GABRB2: variants seen among roughly 807,000 people sequenced by gnomAD.
GABRB2 encodes gamma-aminobutyric acid receptor subunit beta-2.
In GABRB2, 16 loss-of-function variants were observed where a neutral mutation model predicts 54.7. That is an observed-to-expected ratio of 0.29 (90% CI 0.20 to 0.44). The LOEUF (loss-of-function observed/expected upper bound fraction) is 0.44. GABRB2 is among the 20% of genes least tolerant of loss of function. The pLI, the probability that GABRB2 is intolerant of heterozygous loss-of-function variation, is 1.00. For synonymous variants in GABRB2, 244 were observed against 233.8 expected (o/e 1.04, Z -0.40); for missense variants, 355 against 644.0 (o/e 0.55, Z 4.86).
intron 4 of GABRB2, among the ~76,000 whole-genome samples, chr5:161,442,332 T>G (rs996975686): frequency 6.6e-6 from 1 of 152,184 alleles, no homozygotes; most frequent in African/African-American, 2.4e-5. Flanking sequence ...TGTAAGTAAG[T>G]AAAGTATCAT....
intron 3 of GABRB2, among the ~76,000 whole-genome samples, chr5:161,515,871 A>G (rs966948328): frequency 6.6e-6 from 1 of 152,208 alleles, no homozygotes; most frequent in Non-Finnish European, 1.5e-5. Context: ...AGGTAGAACA[A>G]AAAAACAAGC....
chr5:161,333,551 T>G (rs1753913330), intron 7 of GABRB2, among the ~76,000 whole-genome samples: 1 of 152,212 alleles, frequency 6.6e-6, no homozygotes, highest in East Asian at 1.9e-4. Context: ...CATGCCACTT[T>G]TATGCTCAGT....
intron 3 of GABRB2, among the ~76,000 whole-genome samples, chr5:161,531,543 C>T (rs1760462645): frequency 6.6e-6 from 1 of 151,954 alleles, no homozygotes; most frequent in Non-Finnish European, 1.5e-5. Flanking sequence ...TTAGACTCTA[C>T]AGAGGTTTAG....
chr5:161,506,737 AAG>A (rs1282470449), intron 3 of GABRB2, among the ~76,000 whole-genome samples: 4 of 152,120 alleles, frequency 2.6e-5, no homozygotes, highest in Admixed American at 2.6e-4. Flanking sequence ...GTGCTGGAAA[AAG>A]AGACAAGTAG....
At chr5:161,452,869 G>A (rs1038871374) in intron 4 of GABRB2, among the ~76,000 whole-genome samples, 2 of 152,114 alleles carry the variant, frequency 1.3e-5, no homozygotes, top group Non-Finnish European at 2.9e-5. Context: ...GATGGCACAT[G>A]CCTGTAGGTC....
Position 161,546,621 on chromosome 5 carries a change from C to T in GABRB2, c.23G>A (p.Gly8Asp). Residue 8 changes from glycine (G) to aspartate (D), a missense_variant, in exon 1 of 10, where the codon GGC becomes GAC. Gly to Asp is a moderately conservative substitution (Grantham distance 94). Around this residue, in one of 6 missense-constraint regions of GABRB2, gnomAD observed 42 missense variants for 43.0 expected, o/e 0.98. Coordinates refer to ENST00000393959, the MANE Select transcript of GABRB2 (RefSeq NM_001371727.1). ...GGGGAAGGACCAAATCCCAAAGTAG[C>T]CCCTTTTCCGCACTCTCCACATCCC... MWRVRKR[G>D]YFGIWSFPLI... 6.3e-7 allele frequency: 1 copy of T among 1,598,858 alleles called. No individual in the cohort carries two copies. The highest frequency in any genetic ancestry group is 8.5e-7 in the Non-Finnish European group (1 of 1,172,142).
chr5:161,468,812 CA>C (rs1758353780), intron 3 of GABRB2, among the ~76,000 whole-genome samples: 1 of 151,616 alleles, frequency 6.6e-6, no homozygotes, highest in South Asian at 2.1e-4. Context: ...TTAAGACCCC[CA>C]AAAAACTTAC....
chr5:161,537,639 C>A (rs370234340), intron 3 of GABRB2, among the ~76,000 whole-genome samples: 1 of 152,110 alleles, frequency 6.6e-6, no homozygotes, highest in South Asian at 2.1e-4. Context: ...AGGTTTTCAA[C>A]TCATCTTCCA....
chr5:161,414,735 A>T (rs975894977), intron 4 of GABRB2, among the ~76,000 whole-genome samples: 17 of 151,326 alleles, frequency 1.1e-4, no homozygotes, highest in African/African-American at 4.1e-4. Context: ...AAAAATATTA[A>T]TTATTATTAT....
At chr5:161,474,484 T>C (rs942396598) in intron 3 of GABRB2, among the ~76,000 whole-genome samples, 1 of 151,980 alleles carries the variant, frequency 6.6e-6, no homozygotes, top group Non-Finnish European at 1.5e-5. Context: ...AATATCATAA[T>C]TTAGCTTTTC....
At chr5:161,418,862 C>A (rs1388923943) in intron 4 of GABRB2, among the ~76,000 whole-genome samples, 3 of 152,188 alleles carry the variant, frequency 2.0e-5, no homozygotes, top group African/African-American at 7.2e-5. Context: ...TGCTATGGCT[C>A]ACACCTATAA....
chr5:161,410,891 T>C (rs1756497234), intron 5 of GABRB2, 84 bp downstream of exon 5: 2 of 1,012,074 alleles, frequency 2.0e-6, no homozygotes, highest in South Asian at 2.9e-5. Context: ...GGGCCTGTGG[T>C]CTGGACATGA....
In GABRB2 at chr5:161,302,859, G is replaced by A. The variant is rs114793389; in HGVS notation, c.1192-8431C>T. ...AATATGAAATGCAAATTCTATGAGA[G>A]CAAGGGAGGGCCAACATCTTTGACT... On this transcript the variant is annotated intron_variant, in intron 9 of 9. Transcript: ENST00000393959. Among the ~76,000 whole-genome samples, 825 of 152,332 alleles carry A rather than the reference G, an allele frequency of 5.4e-3. 11 individuals carry two copies. The highest frequency in any genetic ancestry group is 0.019 in the African/African-American group (789 of 41,562).
intron 3 of GABRB2, among the ~76,000 whole-genome samples, chr5:161,501,229 T>C (rs1342246454): frequency 6.6e-6 from 1 of 152,056 alleles, no homozygotes; most frequent in Non-Finnish European, 1.5e-5. Flanking sequence ...CGCGCATGTA[T>C]GAGATTTGCC....
chr5:161,525,670 T>G (rs1444496342), intron 3 of GABRB2, among the ~76,000 whole-genome samples: 1 of 151,292 alleles, frequency 6.6e-6, no homozygotes, highest in South Asian at 2.1e-4. Context: ...GATACCAGCT[T>G]TGTTTTAATT....
intron 9 of GABRB2, among the ~76,000 whole-genome samples, chr5:161,310,764 ATTT>A (rs34428930): frequency 1.4e-5 from 2 of 139,116 alleles, no homozygotes; most frequent in Admixed American, 7.1e-5. Flanking sequence ...ATGCTACAGC[ATTT>A]TTTTTTTTTT....
chr5:161,487,738 T>G (rs1333046862), intron 3 of GABRB2, among the ~76,000 whole-genome samples: 1 of 151,920 alleles, frequency 6.6e-6, no homozygotes, highest in South Asian at 2.1e-4. Flanking sequence ...CAAAATAACA[T>G]GTAAAAAGCT....
At chr5:161,539,748 C>T (rs1452088556) in intron 3 of GABRB2, among the ~76,000 whole-genome samples, 1 of 152,120 alleles carries the variant, frequency 6.6e-6, no homozygotes, top group Non-Finnish European at 1.5e-5. Flanking sequence ...CAGTTCCAGA[C>T]CACCACAATA....
intron 5 of GABRB2, among the ~76,000 whole-genome samples, chr5:161,365,671 G>A (rs149305329): frequency 1.4e-4 from 22 of 152,220 alleles, no homozygotes; most frequent in Non-Finnish European, 2.8e-4. Context: ...AACATGGAGA[G>A]GTTAAGATAT....
Sources: gnomAD v4.1 joint callset for allele counts (sites outside exome capture counted in the v4.1 genomes callset) on GRCh38, gnomAD v4.1.1 for gene constraint, gnomAD v4.1.1 regional missense constraint, MANE v1.5 for transcripts, NCBI Gene and HGNC (gene_info 2026-07-23, HGNC 2026-07-21) for gene names.